The following RAB40B variants were observed in gnomAD, a reference collection of about 807,000 sequenced individuals.
RAB40B encodes RAB40B, member RAS oncogene family.
In RAB40B, 21 loss-of-function variants were observed where a neutral mutation model predicts 24.0. The ratio of observed to expected loss-of-function variants is 0.88; its 90% CI spans 0.62 to 1.26. RAB40B has a LOEUF of 1.26. RAB40B is among the 50% of genes most tolerant of loss of function. The pLI, the probability that RAB40B is intolerant of heterozygous loss-of-function variation, is 0.00. For synonymous variants in RAB40B, 167 were observed against 169.8 expected, an observed-to-expected ratio of 0.98 and a Z score of 0.13; for missense variants, 348 against 390.5, an observed-to-expected ratio of 0.89 and a Z score of 0.92.
chr17:82,688,917 G>C (rs543553630), intron 1 of RAB40B, among the ~76,000 whole-genome samples: 2 of 152,182 alleles, frequency 1.3e-5, no homozygotes, highest in African/African-American at 4.8e-5. Flanking sequence ...CTGAGCAACA[G>C]AGTAAGACTC....
intron 1 of RAB40B, among the ~76,000 whole-genome samples, chr17:82,686,092 G>A (rs189006343): frequency 0.02 from 2,770 of 140,824 alleles, 24 homozygotes; most frequent in African/African-American, 0.036. Context: ...GTGAGCCACC[G>A]CACCCAGCCT....
intron 4 of RAB40B, 157 bp from the exon 5 acceptor site, chr17:82,658,870 G>A (rs1598292110): frequency 1.1e-5 from 7 of 652,608 alleles, no homozygotes; most frequent in Admixed American, 2.9e-5. Flanking sequence ...CTTTGCAGAC[G>A]TAAATAGTTA....
chr17:82,665,306 G>A (rs1265009368), intron 1 of RAB40B, among the ~76,000 whole-genome samples: 7 of 150,934 alleles, frequency 4.6e-5, no homozygotes, highest in Non-Finnish European at 1.5e-5. Context: ...TGGCTGGAGT[G>A]CAGTGGCGTG....
At chr17:82,660,200 CACTCATGCACAG>C in intron 3 of RAB40B, among the ~76,000 whole-genome samples, 1 of 152,106 alleles carries the variant, frequency 6.6e-6, no homozygotes, top group East Asian at 1.9e-4. Context: ...TACACATAGG[CACTCATGCACAG>C]ATGCACACAC....
At position 82,655,105 on chromosome 17, in the gene RAB40B, G is replaced by A. The variant is rs1051205967; in HGVS notation, c.*2758C>T. 14 of 152,180 alleles carry A rather than the reference G, an allele frequency of 9.2e-5. No homozygotes were observed. Among genetic ancestry groups the A allele is most frequent in the African/African-American group, 3.1e-4 (13 of 41,444 alleles). 9.4% of individuals were successfully genotyped at this position (152,180 alleles called of 1,614,324 possible). On this transcript the variant is annotated 3_prime_UTR_variant, in exon 6 of 6. Transcript: ENST00000571995. Reference sequence around the variant, plus strand: ...TTTGCTGTAGCACTTTCTGCCGTGAGCGTAACTCACTTCCTTGTAGGAGTT... The same window carrying A: ...TTTGCTGTAGCACTTTCTGCCGTGAACGTAACTCACTTCCTTGTAGGAGTT...
intron 2 of RAB40B, 200 bp from the exon 3 acceptor site, chr17:82,661,247 TTC>T: frequency 7.4e-7 from 1 of 1,348,192 alleles, no homozygotes. Flanking sequence ...GCTCATGCTC[TTC>T]TCTGTCATTT....
At chr17:82,683,893 G>A (rs545435222) in intron 1 of RAB40B, among the ~76,000 whole-genome samples, 6 of 151,818 alleles carry the variant, frequency 4.0e-5, no homozygotes, top group Non-Finnish European at 8.8e-5. Context: ...ATATGAGGAT[G>A]GTAGATGAGC....
In RAB40B at chr17:82,659,646, C is replaced by G. The variant is rs1415593370; in HGVS notation, c.276G>C (p.Leu92=). ...SYSRGAQGVI[L]VYDIANRWSF... is the part of the protein sequence containing the mutation. ...ACCAGCGGTTCGCAATGTCATAGAC[C>G]AGGATCACACCCTGGGGGAGAGGTC... The change falls in exon 4 of 6, where the codon CTG becomes CTC. Residue 92 remains leucine, a synonymous_variant. Coordinates refer to ENST00000571995, the MANE Select transcript of RAB40B (RefSeq NM_006822.3). 1.2e-6 allele frequency: 2 copies of G among 1,614,174 alleles called. No individual in the cohort carries two copies. The highest frequency in any genetic ancestry group is 1.7e-5 in the Admixed American group (1 of 60,016).
At chr17:82,664,247 T>TG (rs1295991441) in intron 2 of RAB40B, among the ~76,000 whole-genome samples, 5 of 52,052 alleles carry the variant, frequency 9.6e-5, no homozygotes, top group South Asian at 7.0e-4. Flanking sequence ...GCTTGCTCCC[T>TG]GGGGTGCTGG....
At chr17:82,685,223 G>C (rs1428915709) in intron 1 of RAB40B, among the ~76,000 whole-genome samples, 1 of 144,006 alleles carries the variant, frequency 6.9e-6, no homozygotes, top group African/African-American at 2.6e-5. Context: ...GAATGGGGAG[G>C]GGGAGGGAGG....
rs559028304 is a variant in RAB40B, at chr17:82,661,618, G to A, written c.204-571C>T. Reference sequence around the variant, plus strand: ...AAACAAATGAAAGGCCGGGCTTGGCGGCTCACACCGATAATCCCAGCGCTT... The same window carrying A: ...AAACAAATGAAAGGCCGGGCTTGGCAGCTCACACCGATAATCCCAGCGCTT... On this transcript the variant is annotated intron_variant, in intron 2 of 5. Coordinates refer to ENST00000571995, the MANE Select transcript of RAB40B (RefSeq NM_006822.3). Among the ~76,000 whole-genome samples the A allele has an allele frequency of 2.7e-4, 41 of 152,260 alleles. No individual in the cohort carries two copies. The South Asian group carries it at 7.3e-3, about 27-fold the overall frequency.
At position 82,655,987 on chromosome 17, in the gene RAB40B, C is replaced by T. The variant is rs1473468118; in HGVS notation, c.*1876G>A. On this transcript the variant is annotated 3_prime_UTR_variant, in exon 6 of 6. Coordinates refer to ENST00000571995, the MANE Select transcript of RAB40B (RefSeq NM_006822.3). ...TTTTTTTAGATGGAGTTTCACTTGT[C>T]GCCCAGGCTGGGGTGCAGTGGTACG... 1 of 143,760 alleles carries T rather than the reference C, an allele frequency of 7.0e-6. No homozygotes were observed. Among genetic ancestry groups the T allele is most frequent in the South Asian group, 2.2e-4 (1 of 4,568 alleles). 8.9% of individuals were successfully genotyped at this position (143,760 alleles called of 1,614,324 possible).
chr17:82,688,541 G>A (rs893419174), intron 1 of RAB40B, among the ~76,000 whole-genome samples: 2 of 152,072 alleles, frequency 1.3e-5, no homozygotes, highest in Non-Finnish European at 2.9e-5. Flanking sequence ...GCTTGAAGCC[G>A]GGAGGCGGAG....
At chr17:82,665,600 C>T (rs2143475188) in intron 1 of RAB40B, among the ~76,000 whole-genome samples, 1 of 152,250 alleles carries the variant, frequency 6.6e-6, no homozygotes, top group Non-Finnish European at 1.5e-5. Context: ...GATGCGGTGG[C>T]TGACGCCTGT....
chr17:82,683,813 AAAAAAAAAAAGAAAAG>A (rs1237633188), intron 1 of RAB40B, among the ~76,000 whole-genome samples: 1 of 151,682 alleles, frequency 6.6e-6, no homozygotes, highest in African/African-American at 2.4e-5. Context: ...TCCAAAAAAA[AAAAAAAAAAAGAAAAG>A]AAAAGAAAAG....
chr17:82,660,770 C>T (rs750474990), intron 3 of RAB40B, among the ~76,000 whole-genome samples: 13 of 152,260 alleles, frequency 8.5e-5, no homozygotes, highest in African/African-American at 1.9e-4. Flanking sequence ...TACATGCACA[C>T]ACAGTCCCGT....
rs370010463 is a variant in RAB40B, at chr17:82,660,997, C to T, written c.254G>A (p.Arg85Gln). ...GGGATGCTGTGTTACCTGTGCGCCC[C>T]GGGAGTAGGAGCGGAATATGGTACA... The part of the protein sequence containing the change: ...RFCTIFRSYS[R>Q]GAQGVILVYD... The change falls in exon 3 of 6, where the codon CGG becomes CAG. Residue 85 changes from arginine to glutamine, a missense_variant. By Grantham distance (43) the Arg-to-Gln change is conservative. Coordinates refer to ENST00000571995, the MANE Select transcript of RAB40B (RefSeq NM_006822.3). 27 of 1,613,854 alleles carry T rather than the reference C, an allele frequency of 1.7e-5. No individual in the cohort carries two copies. Among genetic ancestry groups the T allele is most frequent in the African/African-American group, 9.3e-5 (7 of 74,902 alleles).
Position 82,659,630 on chromosome 17 carries a change from T to G in RAB40B, c.292A>C (p.Asn98His), listed in dbSNP as rs779694195. 1.2e-6 allele frequency: 2 copies of G among 1,614,166 alleles called. No homozygotes were observed. Among genetic ancestry groups the G allele is most frequent in the Non-Finnish European group, 1.7e-6 (2 of 1,180,042 alleles). ...QGVILVYDIA[N>H]RWSFDGIDRW... Reference sequence around the variant, plus strand: ...TCAATGCCGTCAAAAGACCAGCGGTTCGCAATGTCATAGACCAGGATCACA... The same window carrying G: ...TCAATGCCGTCAAAAGACCAGCGGTGCGCAATGTCATAGACCAGGATCACA... Residue 98 changes from asparagine (N) to histidine (H), a missense_variant, in exon 4 of 6, where the codon AAC becomes CAC. Asn to His is a moderately conservative substitution (Grantham distance 68, BLOSUM62 1). Coordinates refer to ENST00000571995, the MANE Select transcript of RAB40B (RefSeq NM_006822.3).
chr17:82,680,404 T>C (rs1436763749), intron 1 of RAB40B, among the ~76,000 whole-genome samples: 1 of 152,174 alleles, frequency 6.6e-6, no homozygotes, highest in African/African-American at 2.4e-5. Context: ...CCCCCACGTG[T>C]GTGAGCTTCT....
Sources: allele counts gnomAD v4.1 joint callset (sites outside exome capture counted in the v4.1 genomes callset), GRCh38; gene constraint gnomAD v4.1.1; transcripts MANE v1.5; gene names NCBI Gene and HGNC (gene_info 2026-07-23, HGNC 2026-07-21).